Variants in BICC1 observed in about 807,000 individuals in gnomAD.
BICC1 encodes the protein protein bicaudal C homolog 1.
BICC1 carries 43 observed loss-of-function variants against 111.0 expected under a neutral mutation model. The observed-to-expected ratio is 0.39, with a 90% CI of 0.30 to 0.50. The LOEUF is 0.50. Among genes scored for constraint, BICC1 ranks in the 20% least tolerant of loss-of-function variants. The probability of loss-of-function intolerance (pLI) is 0.88; values close to 1 mark genes in which losing one functional copy is unlikely to be tolerated. For missense variants in BICC1, 1,091 were observed against 1,203.2 expected (o/e 0.91, Z 1.38); for synonymous variants, 467 against 434.4 (o/e 1.07, Z -0.93).
At chr10:58,540,468 A>G (rs1296731242) in intron 1 of BICC1, among the ~76,000 whole-genome samples, 1 of 152,042 alleles carries the variant, frequency 6.6e-6, no homozygotes, top group Non-Finnish European at 1.5e-5. Context: ...GTAAAGTATC[A>G]TAATAGAGTA....
intron 18 of BICC1, among the ~76,000 whole-genome samples, chr10:58,816,758 T>A (rs993778423): frequency 1.1e-4 from 16 of 147,714 alleles, no homozygotes; most frequent in Admixed American, 8.7e-4. Context: ...TGTGTGTGTG[T>A]GTGTGTGTGT....
chr10:58,768,457 C>A (rs886101447), intron 3 of BICC1, among the ~76,000 whole-genome samples: 1 of 151,948 alleles, frequency 6.6e-6, no homozygotes, highest in Non-Finnish European at 1.5e-5. Flanking sequence ...AAATGGTAAA[C>A]GAAATTGTTC....
intron 2 of BICC1, among the ~76,000 whole-genome samples, 158 bp downstream of exon 2, chr10:58,621,059 G>T (rs1845788758): frequency 6.6e-6 from 1 of 152,160 alleles, no homozygotes; most frequent in African/African-American, 2.4e-5. Context: ...GAAAAGAGGG[G>T]ATGCTGTATG....
intron 1 of BICC1, among the ~76,000 whole-genome samples, chr10:58,596,861 T>A (rs1844831278): frequency 6.6e-6 from 1 of 152,182 alleles, no homozygotes; most frequent in South Asian, 2.1e-4. Context: ...GTGAAGGACC[T>A]CTTCAAGGAG....
intron 1 of BICC1, among the ~76,000 whole-genome samples, chr10:58,580,271 G>A (rs967818978): frequency 5.3e-5 from 8 of 152,160 alleles, no homozygotes; most frequent in Non-Finnish European, 1.5e-5. Context: ...TGATCTGCCC[G>A]CCTCTGCCTC....
chr10:58,801,594 CTT>C (rs11292094), intron 14 of BICC1, among the ~76,000 whole-genome samples: 53 of 150,306 alleles, frequency 3.5e-4, no homozygotes, highest in Non-Finnish European at 5.6e-4. Flanking sequence ...CATCCTTACT[CTT>C]TTTTTTTTTC....
intron 1 of BICC1, among the ~76,000 whole-genome samples, chr10:58,578,632 G>T (rs572413363): frequency 6.6e-6 from 1 of 152,310 alleles, no homozygotes; most frequent in Non-Finnish European, 1.5e-5. Flanking sequence ...AACTCCTGCA[G>T]ATATCACTTC....
At chr10:58,794,021 G>T (rs966063784) in intron 9 of BICC1, among the ~76,000 whole-genome samples, 18 of 152,066 alleles carry the variant, frequency 1.2e-4, no homozygotes, top group African/African-American at 4.3e-4. Context: ...CTTTATATAT[G>T]TGTTGGTTTT....
intron 3 of BICC1, among the ~76,000 whole-genome samples, chr10:58,708,443 C>T (rs1243413472): frequency 6.6e-6 from 1 of 152,148 alleles, no homozygotes; most frequent in Non-Finnish European, 1.5e-5. Context: ...AAATCAAGGA[C>T]ACGGACACAC....
At chr10:58,681,175 G>T (rs1355204867) in intron 2 of BICC1, among the ~76,000 whole-genome samples, 1 of 152,172 alleles carries the variant, frequency 6.6e-6, no homozygotes, top group Non-Finnish European at 1.5e-5. Flanking sequence ...TGACAAGTGG[G>T]ATCTAATTAA....
chr10:58,623,146 A>G (rs974356454), intron 2 of BICC1, among the ~76,000 whole-genome samples: 7 of 152,190 alleles, frequency 4.6e-5, no homozygotes, highest in Non-Finnish European at 1.0e-4. Context: ...TTTTTGTACC[A>G]TAAAAATATA....
Position 58,728,704 on chromosome 10 carries a change from A to AAATAAT in BICC1, c.307+26575_307+26580dup, listed in dbSNP as rs3076358. On this transcript the variant is annotated intron_variant, in intron 3 of 20. Coordinates refer to ENST00000373886, the MANE Select transcript of BICC1 (RefSeq NM_001080512.3). ...TATAGTCTTACAAAATGTATTTCTT[A>AAATAAT]AATAATAATAATAATAATACTTGAA... Among the ~76,000 whole-genome samples, 440 of 150,418 alleles carry AAATAAT rather than the reference A, an allele frequency of 2.9e-3. 11 individuals are homozygous for AAATAAT. The East Asian group carries it at 0.05, about 17-fold the overall frequency.
chr10:58,797,081 C>CTG (rs1278594424), intron 10 of BICC1, among the ~76,000 whole-genome samples: 1 of 152,150 alleles, frequency 6.6e-6, no homozygotes, highest in Admixed American at 6.6e-5. Flanking sequence ...CAAACGTCAT[C>CTG]ATCTCAGAGC....
intron 1 of BICC1, among the ~76,000 whole-genome samples, chr10:58,585,391 G>GA (rs769398848): frequency 1.3e-5 from 2 of 152,156 alleles, no homozygotes; most frequent in Non-Finnish European, 2.9e-5. Flanking sequence ...ATCCAATGAT[G>GA]AATGGGCCTC....
chr10:58,831,204 A>G lies in BICC1; in HGVS notation c.*2313A>G, dbSNP rs1844542358. 1 of 152,192 alleles carries G rather than the reference A, an allele frequency of 6.6e-6. No individual in the cohort carries two copies. Among genetic ancestry groups the G allele is most frequent in the African/African-American group, 2.4e-5 (1 of 41,448 alleles). The allele number at this position is 152,192 out of a possible 1,614,324, so 9.4% of individuals were successfully genotyped here. A position where few individuals can be genotyped will look rare whatever the true frequency, so the allele number is the denominator to read the frequency against. On this transcript the variant is annotated 3_prime_UTR_variant, in exon 21 of 21. Transcript: ENST00000373886. ...GTTGTTGTTATATGATGCACAAAAT[A>G]TTTTGATGATTTGAATAAATGTTAA...
intron 2 of BICC1, among the ~76,000 whole-genome samples, chr10:58,656,805 A>T (rs1298145513): frequency 6.6e-6 from 1 of 152,190 alleles, no homozygotes; most frequent in Admixed American, 6.5e-5. Context: ...TTTTACAGCC[A>T]GCTGAAAGAA....
At position 58,829,123 on chromosome 10, in the gene BICC1, G is replaced by T; in HGVS notation, c.*232G>T. 3.2e-6 allele frequency: 1 copy of T among 312,294 alleles called. No individual in the cohort carries two copies. The allele number at this position is 312,294 out of a possible 1,614,324, so 19.3% of individuals were successfully genotyped here. A position where few individuals can be genotyped will look rare whatever the true frequency, so the allele number is the denominator to read the frequency against. ...ACTTTTTTAAAATGGCAGTTGGACA[G>T]AATTTGCAATATAAGGATAGGGCTT... is the stretch of plus-strand genomic sequence containing the variant. On this transcript the variant is annotated 3_prime_UTR_variant, in exon 21 of 21. Coordinates refer to ENST00000373886, the MANE Select transcript of BICC1 (RefSeq NM_001080512.3).
chr10:58,775,430 A>C (rs1404785613), intron 3 of BICC1, among the ~76,000 whole-genome samples: 3 of 152,184 alleles, frequency 2.0e-5, no homozygotes, highest in Non-Finnish European at 1.5e-5. Context: ...ACATTTAAGC[A>C]GGAACTTTGC....
Position 58,513,026 on chromosome 10 carries a change from G to A in BICC1, c.-118G>A. The stretch of plus-strand genomic sequence containing the variant: ...GGCGTTGGCGGTGGCGTCGGCGGCT[G>A]CAGGGGGACGAGCTAGCGCCGCGGC... On this transcript the variant is annotated 5_prime_UTR_variant, in exon 1 of 21. Transcript: ENST00000373886. 1 of 720,416 alleles carries A rather than the reference G, an allele frequency of 1.4e-6. No homozygotes were observed. The highest frequency in any genetic ancestry group is 1.9e-5 in the African/African-American group (1 of 53,104). 44.6% of individuals were successfully genotyped at this position (720,416 alleles called of 1,614,324 possible). A position where few individuals can be genotyped will look rare whatever the true frequency, so the allele number is the denominator to read the frequency against.
Sources: gnomAD v4.1 joint callset for allele counts (sites outside exome capture counted in the v4.1 genomes callset) on GRCh38, gnomAD v4.1.1 for gene constraint, MANE v1.5 for transcripts, NCBI Gene and HGNC (gene_info 2026-07-23, HGNC 2026-07-21) for gene names.